The following KNTC1 variants were observed in gnomAD, a reference collection of about 807,000 sequenced individuals.
KNTC1 encodes kinetochore-associated protein 1.
KNTC1 carries 253 observed loss-of-function variants against 314.4 expected under a neutral mutation model. The ratio of observed to expected loss-of-function variants is 0.80; its 90% confidence interval spans 0.73 to 0.89. The LOEUF is 0.89. Ranked by LOEUF, KNTC1 falls within the 40% of genes least tolerant of loss-of-function variation. The probability of loss-of-function intolerance (pLI) is 0.00; values close to 1 mark genes in which losing one functional copy is unlikely to be tolerated. For synonymous variants in KNTC1, 901 were observed against 901.4 expected (o/e 1.00, Z 0.01); for missense variants, 2,475 against 2,572.9 (o/e 0.96, Z 0.82).
chr12:122,541,113 C>T (rs2137703363), intron 5 of KNTC1, among the ~76,000 whole-genome samples: 1 of 152,090 alleles, frequency 6.6e-6, no homozygotes, highest in East Asian at 1.9e-4. Flanking sequence ...GCTGCGATCG[C>T]TGCACTGCAG....
Position 122,582,842 on chromosome 12 carries a change from T to G in KNTC1, c.3120T>G (p.Ala1040=). The change falls in exon 34 of 64, where the codon GCT becomes GCG. Residue 1040 remains alanine (A), a synonymous_variant. Transcript: ENST00000333479. ...HKPGSTPEPI[A]AEVRSPSMES... ...CTGGGAGCACCCCAGAGCCCATAGC[T>G]GCTGAGGTGAGGAGCCCAAGCATGG... 1 of 1,612,212 alleles carries G rather than the reference T, an allele frequency of 6.2e-7. No homozygotes were observed. Among genetic ancestry groups the G allele is most frequent in the Non-Finnish European group, 8.5e-7 (1 of 1,179,064 alleles).
Position 122,546,280 on chromosome 12 carries a change from T to C in KNTC1, c.763+11T>C, listed in dbSNP as rs1322503319. Reference sequence around the variant, plus strand: ...CAGAGATTATTAAAGGTAAAATAAGTTAATGAAACTACTTTAGACAATTAT... The same window carrying C: ...CAGAGATTATTAAAGGTAAAATAAGCTAATGAAACTACTTTAGACAATTAT... On this transcript the variant is annotated intron_variant, in intron 9 of 63. Transcript: ENST00000333479. 7.1e-7 allele frequency: 1 copy of C among 1,416,826 alleles called. No individual in the cohort carries two copies. The highest frequency in any genetic ancestry group is 2.3e-5 in the East Asian group (1 of 43,856). 87.8% of individuals were successfully genotyped at this position (1,416,826 alleles called of 1,614,324 possible). A position where few individuals can be genotyped will look rare whatever the true frequency, so the allele number is the denominator to read the frequency against.
In KNTC1 at chr12:122,596,460, A is replaced by T. The variant is rs1207060246; in HGVS notation, c.4356-1271A>T. On this transcript the variant is annotated intron_variant, in intron 43 of 63. Coordinates refer to ENST00000333479, the MANE Select transcript of KNTC1 (RefSeq NM_014708.6). ...TCTCCAACTCCTGACCTCGTGATCC[A>T]CCTGCCTCGGCCTCCCAAAGTGCTG... 2.0e-5 allele frequency among the ~76,000 whole-genome samples: 3 copies of T among 150,300 alleles called. 1 individual carries two copies. Among genetic ancestry groups the T allele is most frequent in the African/African-American group, 4.9e-5 (2 of 40,750 alleles).
Position 122,603,185 on chromosome 12 carries a change from A to T in KNTC1, c.5043A>T (p.Ile1681=). Residue 1681 remains isoleucine, a synonymous_variant, in exon 48 of 64, where the codon ATA becomes ATT. Transcript: ENST00000333479. ...TQTIESCLLS[I]VNPEWAVAIA... is the part of the protein sequence containing the mutation. ...CCATCGAATCCTGCTTACTCTCTAT[A>T]GTCAACCCAGAGTGGGCTGTAGCTA... 6.2e-7 allele frequency: 1 copy of T among 1,613,398 alleles called. No individual in the cohort carries two copies. Among genetic ancestry groups the T allele is most frequent in the Non-Finnish European group, 8.5e-7 (1 of 1,179,740 alleles).
Position 122,590,815 on chromosome 12 carries a change from G to C in KNTC1, c.4128+80G>C, listed in dbSNP as rs1336757516. ...AGAAATGAAGTTGGTTTTGCCACCT[G>C]TTCTTAAAGATTTAGTAGAAGAAAT... On this transcript the variant is annotated intron_variant, in intron 41 of 63. Transcript: ENST00000333479. 5.9e-6 allele frequency: 8 copies of C among 1,365,714 alleles called. No individual in the cohort carries two copies. The Admixed American group carries it at 1.7e-4, about 29-fold the overall frequency. The allele number at this position is 1,365,714 out of a possible 1,614,324, so 84.6% of individuals were successfully genotyped here. A position where few individuals can be genotyped will look rare whatever the true frequency, so the allele number is the denominator to read the frequency against.
intron 9 of KNTC1, 95 bp from the exon 10 acceptor site, chr12:122,546,527 T>C (rs1053006266): frequency 4.6e-5 from 38 of 821,312 alleles, no homozygotes; most frequent in Non-Finnish European, 7.3e-5. Flanking sequence ...CTAGTAATTA[T>C]GTAGTTCTGC....
intron 5 of KNTC1, among the ~76,000 whole-genome samples, chr12:122,540,327 C>T (rs1386996619): frequency 6.6e-6 from 1 of 151,872 alleles, no homozygotes; most frequent in Non-Finnish European, 1.5e-5. Context: ...CACCTGCCAC[C>T]ACGCCTGGCT....
At chr12:122,610,377 C>T (rs1343438436) in intron 52 of KNTC1, among the ~76,000 whole-genome samples, 1 of 152,214 alleles carries the variant, frequency 6.6e-6, no homozygotes, top group Non-Finnish European at 1.5e-5. Flanking sequence ...CTGCCCCACC[C>T]CTCCTCCAGC....
chr12:122,586,480 A>G (rs1477579984), intron 37 of KNTC1, among the ~76,000 whole-genome samples: 1 of 152,184 alleles, frequency 6.6e-6, no homozygotes, highest in African/African-American at 2.4e-5. Context: ...ATTTATTTTT[A>G]AAGCATCAGT....
chr12:122,582,823 G>A lies in KNTC1; in HGVS notation c.3101G>A (p.Ser1034Asn). 6.2e-7 allele frequency: 1 copy of A among 1,611,950 alleles called. No individual in the cohort carries two copies. The highest frequency in any genetic ancestry group is 8.5e-7 in the Non-Finnish European group (1 of 1,179,010). ...GCACAGGCGAAACACAAACCTGGGA[G>A]CACCCCAGAGCCCATAGCTGCTGAG... ...EVAQAKHKPG[S>N]TPEPIAAEVR... is the part of the protein sequence containing the mutation. The change falls in exon 34 of 64, where the codon AGC (serine) becomes AAC (asparagine). Residue 1034 changes from serine to asparagine, a missense_variant. By Grantham distance (46) the Ser-to-Asn change is conservative (BLOSUM62 1). Coordinates refer to ENST00000333479, the MANE Select transcript of KNTC1 (RefSeq NM_014708.6).
At chr12:122,623,159 TC>T (rs1874620795) in intron 62 of KNTC1, among the ~76,000 whole-genome samples, 1 of 152,192 alleles carries the variant, frequency 6.6e-6, no homozygotes, top group South Asian at 2.1e-4. Flanking sequence ...ACAGCCCTGT[TC>T]TAAATCCTAC....
At chr12:122,607,749 A>G (rs1269674951) in intron 51 of KNTC1, among the ~76,000 whole-genome samples, 3 of 151,972 alleles carry the variant, frequency 2.0e-5, no homozygotes, top group Non-Finnish European at 4.4e-5. Context: ...ACCCCTGCAC[A>G]CCTGATTTAT....
chr12:122,553,474 T>C (rs1417291117), intron 16 of KNTC1, among the ~76,000 whole-genome samples: 1 of 151,980 alleles, frequency 6.6e-6, no homozygotes, highest in African/African-American at 2.4e-5. Flanking sequence ...GCAATAAGAT[T>C]GGCCTGTTAA....
intron 48 of KNTC1, among the ~76,000 whole-genome samples, chr12:122,603,918 G>C: frequency 6.6e-6 from 1 of 151,924 alleles, no homozygotes; most frequent in African/African-American, 2.4e-5. Context: ...AAAATGCTCA[G>C]GTCAGGAACT....
intron 16 of KNTC1, among the ~76,000 whole-genome samples, chr12:122,556,033 G>T (rs1367107066): frequency 6.6e-6 from 1 of 150,634 alleles, no homozygotes; most frequent in Non-Finnish European, 1.5e-5. Context: ...TTTTTTTTGA[G>T]ATAGAGTGTT....
chr12:122,577,686 C>G lies in KNTC1; in HGVS notation c.2736C>G (p.Leu912=). ...LIDREQGEDC[L]LLLKSLPPAE... is the part of the protein sequence containing the mutation. ...CCTGTTTATAGGGTGAAGACTGTCT[C>G]CTTCTGTTGAAGTCTTTGCCTCCTG... Residue 912 remains leucine, a synonymous_variant, in exon 31 of 64, where the codon CTC becomes CTG. Coordinates refer to ENST00000333479, the MANE Select transcript of KNTC1 (RefSeq NM_014708.6). 6.2e-7 allele frequency: 1 copy of G among 1,613,572 alleles called. No homozygotes were observed.
intron 39 of KNTC1, among the ~76,000 whole-genome samples, chr12:122,588,220 G>C (rs1869648014): frequency 6.6e-6 from 1 of 152,096 alleles, no homozygotes; most frequent in Non-Finnish European, 1.5e-5. Flanking sequence ...TACCACATTT[G>C]GTCAAAATAT....
At chr12:122,535,708 C>T (rs576107559) in intron 3 of KNTC1, among the ~76,000 whole-genome samples, 1 of 151,510 alleles carries the variant, frequency 6.6e-6, no homozygotes, top group Non-Finnish European at 1.5e-5. Context: ...CCCAGCTACT[C>T]AGGAGTCTGA....
chr12:122,612,535 C>G (rs2138157587), intron 53 of KNTC1, among the ~76,000 whole-genome samples: 1 of 151,974 alleles, frequency 6.6e-6, no homozygotes, highest in South Asian at 2.1e-4. Flanking sequence ...TCTCCTGCCT[C>G]AGCCTCCTGA....
Sources: gnomAD v4.1 joint callset for allele counts (sites outside exome capture counted in the v4.1 genomes callset) on GRCh38, gnomAD v4.1.1 for gene constraint, MANE v1.5 for transcripts, NCBI Gene and HGNC (gene_info 2026-07-23, HGNC 2026-07-21) for gene names.